The following INSYN2B variants were observed in gnomAD, a reference collection of about 807,000 sequenced individuals.
INSYN2B encodes inhibitory synaptic factor family member 2B.
In INSYN2B, 16 loss-of-function variants were observed where a neutral mutation model predicts 41.2. The observed-to-expected ratio is 0.39, with a 90% CI of 0.26 to 0.59. INSYN2B has a LOEUF of 0.59. Ranked by LOEUF, INSYN2B falls within the 20% of genes least tolerant of loss-of-function variation. The probability of loss-of-function intolerance (pLI) is 0.57; values close to 1 mark genes in which losing one functional copy is unlikely to be tolerated. For synonymous variants in INSYN2B, 245 were observed against 244.4 expected, an observed-to-expected ratio of 1.00 and a Z score of -0.02; for missense variants, 608 against 646.4, an observed-to-expected ratio of 0.94 and a Z score of 0.64.
intron 1 of INSYN2B, among the ~76,000 whole-genome samples, chr5:169,922,349 A>C (rs1227335522): frequency 6.6e-6 from 1 of 152,246 alleles, no homozygotes; most frequent in Non-Finnish European, 1.5e-5. Context: ...ATACCAAGAA[A>C]TAATGTTAAT....
intron 1 of INSYN2B, among the ~76,000 whole-genome samples, chr5:169,932,023 C>T (rs1775780077): frequency 6.6e-6 from 1 of 152,198 alleles, no homozygotes; most frequent in Admixed American, 6.5e-5. Context: ...CAACAGAGTC[C>T]TGACCTCATG....
intron 1 of INSYN2B, among the ~76,000 whole-genome samples, chr5:169,975,461 T>A (rs1777681748): frequency 6.6e-6 from 1 of 152,194 alleles, no homozygotes. Context: ...TGCCTGTCTC[T>A]CTGACCTCAT....
intron 1 of INSYN2B, among the ~76,000 whole-genome samples, chr5:169,969,630 G>A (rs1777427964): frequency 6.6e-6 from 1 of 152,302 alleles, no homozygotes; most frequent in South Asian, 2.1e-4. Context: ...GAGGGGAGTG[G>A]CGGAGGCTGT....
chr5:169,927,370 A>C lies in INSYN2B; in HGVS notation c.-918-42554T>G, dbSNP rs897270903. On this transcript the variant is annotated intron_variant, in intron 1 of 3. Transcript: ENST00000377365. The stretch of plus-strand genomic sequence containing the variant: ...AGAATCACCTGGAGATTCAATAGAG[A>C]TTGCTGGACCCCATCCCTAGAGATG... Among the ~76,000 whole-genome samples the C allele has an allele frequency of 9.9e-5, 15 of 152,152 alleles. 1 individual carries two copies. In the South Asian group the frequency reaches 1.0e-3, roughly 11 times the overall value.
intron 1 of INSYN2B, among the ~76,000 whole-genome samples, chr5:169,905,863 C>T (rs1225272772): frequency 6.6e-6 from 1 of 152,196 alleles, no homozygotes; most frequent in African/African-American, 2.4e-5. Context: ...TACTTTCTGA[C>T]AAGAGGATGT....
intron 1 of INSYN2B, among the ~76,000 whole-genome samples, chr5:169,886,899 T>C (rs569824571): frequency 6.6e-6 from 1 of 152,348 alleles, no homozygotes; most frequent in East Asian, 1.9e-4. Context: ...AGTGCATTGA[T>C]TATGTGCCAG....
At chr5:169,898,873 C>A (rs1773763866) in intron 1 of INSYN2B, among the ~76,000 whole-genome samples, 1 of 152,116 alleles carries the variant, frequency 6.6e-6, no homozygotes, top group African/African-American at 2.4e-5. Flanking sequence ...TGTAAAGCAG[C>A]AAGTCAGAGA....
At chr5:169,955,435 C>T (rs191803158) in intron 1 of INSYN2B, among the ~76,000 whole-genome samples, 2 of 152,282 alleles carry the variant, frequency 1.3e-5, no homozygotes, top group East Asian at 3.9e-4. Context: ...GGAGGATGCG[C>T]CCCTGGACAG....
At chr5:169,979,214 G>A (rs1379055188) in intron 1 of INSYN2B, among the ~76,000 whole-genome samples, 3 of 152,138 alleles carry the variant, frequency 2.0e-5, no homozygotes, top group Non-Finnish European at 4.4e-5. Flanking sequence ...CTGGGAGTTC[G>A]AGCTCCTACA....
At chr5:169,966,983 G>T (rs1236182468) in intron 1 of INSYN2B, among the ~76,000 whole-genome samples, 1 of 152,216 alleles carries the variant, frequency 6.6e-6, no homozygotes, top group Non-Finnish European at 1.5e-5. Context: ...GTGTCCCACT[G>T]ATTCTTCCAT....
chr5:169,908,122 C>G (rs1774396085), intron 1 of INSYN2B, among the ~76,000 whole-genome samples: 2 of 152,084 alleles, frequency 1.3e-5, no homozygotes, highest in African/African-American at 4.8e-5. Flanking sequence ...ATTCTGCAGC[C>G]CCATTTCAGT....
At position 169,883,979 on chromosome 5, in the gene INSYN2B, A is replaced by T. The variant is rs1370495197; in HGVS notation, c.-81T>A. 1.5e-6 allele frequency: 2 copies of T among 1,300,114 alleles called. No individual in the cohort carries two copies. The highest frequency in any genetic ancestry group is 3.0e-5 in the African/African-American group (2 of 67,244). The allele number at this position is 1,300,114 out of a possible 1,614,324, so 80.5% of individuals were successfully genotyped here. ...TAGGTCTTTGGAGCAGTATCTAATG[A>T]TAGTATTTCAATCATAGAGAACTGC... On this transcript the variant is annotated 5_prime_UTR_variant, in exon 2 of 4. Coordinates refer to ENST00000377365, the MANE Select transcript of INSYN2B (RefSeq NM_001129891.3).
intron 1 of INSYN2B, among the ~76,000 whole-genome samples, chr5:169,969,772 A>C (rs1486597188): frequency 6.6e-6 from 1 of 152,232 alleles, no homozygotes; most frequent in African/African-American, 2.4e-5. Flanking sequence ...CAGCAGACCA[A>C]GATGAGTTGG....
chr5:169,874,697 T>TTACTC (rs1772213505), intron 3 of INSYN2B, among the ~76,000 whole-genome samples: 1 of 152,178 alleles, frequency 6.6e-6, no homozygotes, highest in Non-Finnish European at 1.5e-5. Flanking sequence ...TAGGCTTTAA[T>TTACTC]TACTCTCAAC....
intron 1 of INSYN2B, among the ~76,000 whole-genome samples, chr5:169,967,815 A>G (rs1223472784): frequency 1.3e-5 from 2 of 151,738 alleles, no homozygotes; most frequent in Non-Finnish European, 2.9e-5. Context: ...ACTCAAGACA[A>G]ATTTCTTTTC....
At chr5:169,866,734 ACTGT>A (rs1187185953) in intron 3 of INSYN2B, among the ~76,000 whole-genome samples, 1 of 150,972 alleles carries the variant, frequency 6.6e-6, no homozygotes, top group South Asian at 2.1e-4. Context: ...TCACATACTG[ACTGT>A]CTATTTCAGG....
chr5:169,932,203 G>GCA (rs1030858656), intron 1 of INSYN2B, among the ~76,000 whole-genome samples: 3 of 152,068 alleles, frequency 2.0e-5, no homozygotes, highest in Non-Finnish European at 2.9e-5. Flanking sequence ...AGCATCACCT[G>GCA]CACACACACA....
intron 1 of INSYN2B, among the ~76,000 whole-genome samples, chr5:169,907,301 GAGA>G (rs976293286): frequency 7.2e-5 from 11 of 152,294 alleles, no homozygotes; most frequent in African/African-American, 1.9e-4. Flanking sequence ...CCAATTTTAG[GAGA>G]AGATTCTGCT....
At chr5:169,965,936 G>GA (rs1777280725) in intron 1 of INSYN2B, among the ~76,000 whole-genome samples, 1 of 152,244 alleles carries the variant, frequency 6.6e-6, no homozygotes. Context: ...TTATCCACTG[G>GA]AAAAAGGCTT....
Sources: gnomAD v4.1 joint callset for allele counts (sites outside exome capture counted in the v4.1 genomes callset) on GRCh38, gnomAD v4.1.1 for gene constraint, MANE v1.5 for transcripts, NCBI Gene and HGNC (gene_info 2026-07-23, HGNC 2026-07-21) for gene names.